Variants in HMGCLL1 observed in about 807,000 individuals in gnomAD.
HMGCLL1 encodes 3-hydroxy-3-methylglutaryl-CoA lyase like 1.
In HMGCLL1, 36 loss-of-function variants were observed where a neutral mutation model predicts 39.1. The observed-to-expected ratio is 0.92, with a 90% CI of 0.71 to 1.22. The LOEUF is 1.22. Among genes scored for constraint, HMGCLL1 ranks in the 50% most tolerant of loss-of-function variants. HMGCLL1 has a pLI of 0.00. For missense variants in HMGCLL1, 451 were observed against 416.5 expected, an observed-to-expected ratio of 1.08 and a Z score of -0.72; for synonymous variants, 149 against 144.0, an observed-to-expected ratio of 1.03 and a Z score of -0.25.
chr6:55,554,604 A>G (rs1335902378), intron 1 of HMGCLL1, among the ~76,000 whole-genome samples: 1 of 152,110 alleles, frequency 6.6e-6, no homozygotes, highest in African/African-American at 2.4e-5. Context: ...AAACCATAAT[A>G]TTTGGGACAT....
intron 7 of HMGCLL1, among the ~76,000 whole-genome samples, chr6:55,479,458 G>T (rs749815362): frequency 2.4e-4 from 36 of 151,502 alleles, no homozygotes; most frequent in Admixed American, 5.9e-4. Context: ...AATAAAATCT[G>T]GGCAGTTTAA....
chr6:55,591,574 T>C, the HMGCLL1 span, among the ~76,000 whole-genome samples: 1 of 151,732 alleles, frequency 6.6e-6, no homozygotes, highest in South Asian at 2.1e-4. Flanking sequence ...TTCCTTTCCC[T>C]TTTTTTCCCC....
At chr6:55,580,506 C>G (rs895677579), upstream of HMGCLL1, among the ~76,000 whole-genome samples, 18 of 150,026 alleles carry the variant, frequency 1.2e-4, no homozygotes, top group African/African-American at 4.4e-4. Flanking sequence ...AGCTTCTCCC[C>G]CCAGGTTCAC....
chr6:55,590,369 T>A, the HMGCLL1 span, among the ~76,000 whole-genome samples: 65 of 152,222 alleles, frequency 4.3e-4, no homozygotes, highest in Non-Finnish European at 8.2e-4. Context: ...TGATACAGGA[T>A]CCCTTCCTCA....
At chr6:55,582,917 TATA>T (rs1289596921), upstream of HMGCLL1, among the ~76,000 whole-genome samples, 3 of 152,124 alleles carry the variant, frequency 2.0e-5, no homozygotes, top group Non-Finnish European at 4.4e-5. Flanking sequence ...AATCATTTCT[TATA>T]ATAAGTTTCT....
chr6:55,540,651 T>A (rs1769378584), intron 3 of HMGCLL1, among the ~76,000 whole-genome samples: 1 of 152,154 alleles, frequency 6.6e-6, no homozygotes. Context: ...TATCCCTAAG[T>A]GACTACGACA....
chr6:55,541,833 T>A lies in HMGCLL1; in HGVS notation c.193A>T (p.Ile65Leu). The A allele has an allele frequency of 6.4e-7, 1 of 1,560,252 alleles. No homozygotes were observed. Among genetic ancestry groups the A allele is most frequent in the Non-Finnish European group, 8.8e-7 (1 of 1,141,514 alleles). Residue 65 changes from isoleucine (I) to leucine (L), a missense_variant, in exon 3 of 9, where the codon ATA becomes TTA. By Grantham distance (5) the Ile-to-Leu change is conservative (BLOSUM62 2). Transcript: ENST00000274901. ...TCAATTTTTATATCTGTAGGAACTATAACCTATGAAAACAAAAAATATTTT... is the reference window on the plus strand; with the variant it reads ...TCAATTTTTATATCTGTAGGAACTAAAACCTATGAAAACAAAAAATATTTT... The part of the protein sequence containing the change: ...PRDGLQNEKV[I>L]VPTDIKIEFI...
the HMGCLL1 span, among the ~76,000 whole-genome samples, chr6:55,675,788 A>T: frequency 6.6e-6 from 1 of 152,200 alleles, no homozygotes; most frequent in Admixed American, 6.5e-5. Flanking sequence ...AATGCAAAAT[A>T]AAATGTGAAT....
At chr6:55,501,278 C>G (rs1303068531) in intron 5 of HMGCLL1, among the ~76,000 whole-genome samples, 2 of 151,830 alleles carry the variant, frequency 1.3e-5, no homozygotes, top group African/African-American at 2.4e-5. Context: ...TACACTAAGG[C>G]CCAGAGACCA....
intron 7 of HMGCLL1, among the ~76,000 whole-genome samples, chr6:55,464,849 G>A: frequency 6.6e-6 from 1 of 152,130 alleles, no homozygotes; most frequent in East Asian, 1.9e-4. Flanking sequence ...GATAAGGCAA[G>A]TTCTCCTCTC....
At chr6:55,467,870 T>C (rs935547538) in intron 7 of HMGCLL1, among the ~76,000 whole-genome samples, 1 of 152,052 alleles carries the variant, frequency 6.6e-6, no homozygotes, top group Non-Finnish European at 1.5e-5. Flanking sequence ...GCAGTGAAGA[T>C]ACTATGTGAA....
At chr6:55,557,181 A>G (rs757544841) in intron 1 of HMGCLL1, among the ~76,000 whole-genome samples, 3 of 152,188 alleles carry the variant, frequency 2.0e-5, no homozygotes, top group Non-Finnish European at 2.9e-5. Context: ...TTTATACTAC[A>G]TAGTCTTACA....
At chr6:55,605,394 C>T in the HMGCLL1 span, among the ~76,000 whole-genome samples, 1 of 149,382 alleles carries the variant, frequency 6.7e-6, no homozygotes, top group Non-Finnish European at 1.5e-5. Context: ...GTACCTGTTT[C>T]CCAGATAACT....
At chr6:55,492,815 T>G (rs1766383195) in intron 7 of HMGCLL1, among the ~76,000 whole-genome samples, 1 of 151,932 alleles carries the variant, frequency 6.6e-6, no homozygotes, top group East Asian at 1.9e-4. Context: ...CCCCCTTCCC[T>G]CCCTTCTGCC....
chr6:55,576,965 G>A (rs866711326), intron 1 of HMGCLL1: 2 of 1,386,276 alleles, frequency 1.4e-6, no homozygotes, highest in Non-Finnish European at 2.0e-6. Context: ...ATAGGGGAAT[G>A]TAAGTCTAGA....
At chr6:55,632,155 G>A in the HMGCLL1 span, among the ~76,000 whole-genome samples, 25 of 152,088 alleles carry the variant, frequency 1.6e-4, no homozygotes, top group Non-Finnish European at 1.5e-5. Context: ...GAGCCAAGAT[G>A]TAGGTTATAA....
At chr6:55,640,652 G>A in the HMGCLL1 span, among the ~76,000 whole-genome samples, 1 of 151,690 alleles carries the variant, frequency 6.6e-6, no homozygotes, top group Non-Finnish European at 1.5e-5. Context: ...TAGTGATATT[G>A]TATCACCATT....
At chr6:55,584,679 T>C in the HMGCLL1 span, among the ~76,000 whole-genome samples, 1 of 152,024 alleles carries the variant, frequency 6.6e-6, no homozygotes, top group Non-Finnish European at 1.5e-5. Flanking sequence ...ATCTTGTGAG[T>C]TTCTTTGGTC....
rs1316088058 is a variant in HMGCLL1 at position 55,477,212 on chromosome 6, TATATTATAATATATA to T, written c.795+18192_795+18206del. On this transcript the variant is annotated intron_variant, in intron 7 of 8. Coordinates refer to ENST00000274901, the MANE Select transcript of HMGCLL1 (RefSeq NM_001042406.2). ...ATATTATATATTATATAATATATAT[TATATTATAATATATA>T]ATATATATTATATTTATATAATATA... 4.7e-3 allele frequency among the ~76,000 whole-genome samples: 86 copies of T among 18,376 alleles called. 1 individual carries two copies. The highest frequency in any genetic ancestry group is 6.0e-3 in the Non-Finnish European group (78 of 13,008). The allele number at this position is 18,376 out of a possible 152,430, so 12.1% of individuals were successfully genotyped here. A position where few individuals can be genotyped will look rare whatever the true frequency, so the allele number is the denominator to read the frequency against.
Sources: gnomAD v4.1 joint callset for allele counts (sites outside exome capture counted in the v4.1 genomes callset) on GRCh38, gnomAD v4.1.1 for gene constraint, MANE v1.5 for transcripts, NCBI Gene and HGNC (gene_info 2026-07-23, HGNC 2026-07-21) for gene names.